SPON1: variants seen among roughly 807,000 people sequenced by gnomAD.
SPON1 encodes spondin-1.
Under a neutral mutation model 111.7 loss-of-function variants are expected in SPON1, and 52 were observed. The ratio of observed to expected loss-of-function variants is 0.47; its 90% CI spans 0.37 to 0.59. The LOEUF is 0.59. SPON1 is among the 20% of genes least tolerant of loss of function. The pLI is 0.00. For missense variants in SPON1, 957 were observed against 1,068.5 expected (o/e 0.90, Z 1.46); for synonymous variants, 410 against 395.8 (o/e 1.04, Z -0.43).
At chr11:14,257,522 T>C (rs782323596) in intron 10 of SPON1, among the ~76,000 whole-genome samples, 194 bp from the exon 11 acceptor site, 6 of 152,170 alleles carry the variant, frequency 3.9e-5, no homozygotes, top group East Asian at 1.9e-4. Context: ...TTAGATTAGA[T>C]ATTTATTAGC....
chr11:14,165,502 C>G (rs535420740), intron 6 of SPON1, among the ~76,000 whole-genome samples: 1 of 152,268 alleles, frequency 6.6e-6, no homozygotes, highest in South Asian at 2.1e-4. Context: ...AACATTAGTA[C>G]TCTCATCTAT....
intron 2 of SPON1, among the ~76,000 whole-genome samples, chr11:14,023,073 T>C (rs1272548886): frequency 6.6e-6 from 1 of 152,062 alleles, no homozygotes; most frequent in East Asian, 1.9e-4. Flanking sequence ...GCTCTGCTTG[T>C]TTAAGGAACT....
At chr11:14,245,632 G>A (rs1164285412) in intron 7 of SPON1, among the ~76,000 whole-genome samples, 3 of 152,172 alleles carry the variant, frequency 2.0e-5, no homozygotes, top group Admixed American at 6.5e-5. Flanking sequence ...GGGTGGAGCT[G>A]AGGCTCTGAG....
chr11:13,993,504 ACT>A (rs1454167622), intron 2 of SPON1, among the ~76,000 whole-genome samples: 1 of 151,924 alleles, frequency 6.6e-6, no homozygotes, highest in Non-Finnish European at 1.5e-5. Flanking sequence ...TGCCCAGCTC[ACT>A]CTCTTGTCTC....
At position 14,254,563 on chromosome 11, in the gene SPON1, G is replaced by C; in HGVS notation, c.926G>C (p.Arg309Thr). 2 of 1,612,528 alleles carry C rather than the reference G, an allele frequency of 1.2e-6. No individual in the cohort carries two copies. Among genetic ancestry groups the C allele is most frequent in the Non-Finnish European group, 1.7e-6 (2 of 1,179,140 alleles). Residue 309 changes from arginine (R) to threonine (T), a missense_variant, in exon 8 of 16, where the codon AGA (arginine) becomes ACA (threonine). Arg to Thr is a moderately conservative substitution (Grantham distance 71). Transcript: ENST00000576479. ...CCTTCAGCTGAATTTTCCGTGGACA[G>C]AACGCGCCATTTAATGTCCTTCCTG... The part of the protein sequence containing the change: ...AAPSAEFSVD[R>T]TRHLMSFLTM...
chr11:14,069,748 AT>A (rs1226128960), intron 3 of SPON1, among the ~76,000 whole-genome samples: 1 of 152,012 alleles, frequency 6.6e-6, no homozygotes, highest in African/African-American at 2.4e-5. Flanking sequence ...AGCTACTGGA[AT>A]TGCTTTTTTG....
intron 2 of SPON1, among the ~76,000 whole-genome samples, chr11:13,994,070 AT>A (rs1296840682): frequency 6.6e-6 from 1 of 152,192 alleles, no homozygotes; most frequent in Non-Finnish European, 1.5e-5. Context: ...TGATCTCTAC[AT>A]TAACAATAAA....
chr11:13,985,936 T>A (rs1318498439), intron 2 of SPON1, among the ~76,000 whole-genome samples: 1 of 152,200 alleles, frequency 6.6e-6, no homozygotes, highest in Non-Finnish European at 1.5e-5. Flanking sequence ...CCCATGCCCC[T>A]CATCTTACTT....
intron 6 of SPON1, among the ~76,000 whole-genome samples, chr11:14,218,777 C>G (rs1460156038): frequency 6.6e-6 from 1 of 152,224 alleles, no homozygotes; most frequent in African/African-American, 2.4e-5. Context: ...ACATTAGGAA[C>G]AGCCTAGAAA....
intron 6 of SPON1, among the ~76,000 whole-genome samples, chr11:14,233,344 C>G (rs1222972758): frequency 6.6e-6 from 1 of 152,184 alleles, no homozygotes; most frequent in Non-Finnish European, 1.5e-5. Flanking sequence ...CAGCAATGGC[C>G]TCCTGCCTGG....
In SPON1 at chr11:14,265,853, C is replaced by G. The variant is rs1849260911; in HGVS notation, c.*166C>G. 3 of 789,570 alleles carry G rather than the reference C, an allele frequency of 3.8e-6. No homozygotes were observed. The highest frequency in any genetic ancestry group is 5.9e-6 in the Non-Finnish European group (3 of 511,084). 48.9% of individuals were successfully genotyped at this position (789,570 alleles called of 1,614,324 possible). On this transcript the variant is annotated 3_prime_UTR_variant, in exon 16 of 16. Transcript: ENST00000576479. Reference sequence around the variant, plus strand: ...CCAGAGACATCCTTTCTGAATACTTCTTGATGGGTACAGGCTGAGTGGGGC... The same window carrying G: ...CCAGAGACATCCTTTCTGAATACTTGTTGATGGGTACAGGCTGAGTGGGGC...
chr11:14,171,506 A>G lies in SPON1; in HGVS notation c.825+35938A>G, dbSNP rs542152739. Among the ~76,000 whole-genome samples the G allele has an allele frequency of 4.6e-5, 7 of 151,932 alleles. No homozygotes were observed. In the East Asian group the frequency reaches 1.4e-3, roughly 29 times the overall value. On this transcript the variant is annotated intron_variant, in intron 6 of 15. Transcript: ENST00000576479. ...CTCTATTTCCTTCAGTTCTGCTCTG[A>G]TTTTAGTTATTTCTTGCCTTCTGCT...
At position 14,260,729 on chromosome 11, in the gene SPON1, A is replaced by C; in HGVS notation, c.1973A>C (p.Glu658Ala). The change falls in exon 14 of 16, where the codon GAG becomes GCG. Residue 658 changes from glutamate (E) to alanine (A), a missense_variant. Coordinates refer to ENST00000576479, the MANE Select transcript of SPON1 (RefSeq NM_006108.4). ...GDCNEDLEQV[E>A]KCMLPECPID... ...TGCAATGAGGATCTGGAGCAGGTGG[A>C]GAAGTGCATGCTCCCTGAATGCCGT... 6.2e-7 allele frequency: 1 copy of C among 1,613,882 alleles called. No homozygotes were observed. The highest frequency in any genetic ancestry group is 8.5e-7 in the Non-Finnish European group (1 of 1,179,828).
intron 6 of SPON1, among the ~76,000 whole-genome samples, chr11:14,155,916 T>C (rs1435391899): frequency 3.8e-5 from 5 of 132,370 alleles, no homozygotes; most frequent in African/African-American, 1.3e-4. Context: ...ACATTTGGGT[T>C]GGTTCCAAGT....
chr11:14,177,630 G>A (rs1554933248), intron 6 of SPON1, among the ~76,000 whole-genome samples: 1 of 152,200 alleles, frequency 6.6e-6, no homozygotes, highest in African/African-American at 2.4e-5. Flanking sequence ...TTCTAATCTT[G>A]TGGCTAATGT....
chr11:14,236,639 G>C (rs1848870676), intron 6 of SPON1, among the ~76,000 whole-genome samples: 1 of 152,200 alleles, frequency 6.6e-6, no homozygotes, highest in Non-Finnish European at 1.5e-5. Flanking sequence ...AAGACCAAAG[G>C]CTTGAGCCCT....
chr11:13,978,780 T>TG (rs1848121846), intron 1 of SPON1, among the ~76,000 whole-genome samples: 1 of 152,092 alleles, frequency 6.6e-6, no homozygotes, highest in Admixed American at 6.6e-5. Flanking sequence ...GAGTAGCTCA[T>TG]GAAAAAATAC....
chr11:14,155,488 T>A (rs1847834560), intron 6 of SPON1, among the ~76,000 whole-genome samples: 1 of 125,228 alleles, frequency 8.0e-6, no homozygotes, highest in Non-Finnish European at 1.8e-5. Context: ...ACATCTATTT[T>A]TTTATTTATT....
intron 6 of SPON1, among the ~76,000 whole-genome samples, chr11:14,188,337 GAC>G (rs1554934260): frequency 1.6e-4 from 25 of 152,210 alleles, no homozygotes; most frequent in African/African-American, 5.8e-4. Flanking sequence ...ATAAGTCCTG[GAC>G]ACAGTCCAGG....
Sources: allele counts gnomAD v4.1 joint callset (sites outside exome capture counted in the v4.1 genomes callset), GRCh38; gene constraint gnomAD v4.1.1; transcripts MANE v1.5; gene names NCBI Gene and HGNC (gene_info 2026-07-23, HGNC 2026-07-21).